DLC1: variants seen among roughly 807,000 people sequenced by gnomAD.
DLC1 encodes rho GTPase-activating protein 7.
In DLC1, 54 loss-of-function variants were observed where a neutral mutation model predicts 140.3. The observed-to-expected ratio is 0.38, with a 90% CI of 0.31 to 0.48. The LOEUF is 0.48. DLC1 is among the 20% of genes least tolerant of loss of function. The pLI, the probability that DLC1 is intolerant of heterozygous loss-of-function variation, is 0.96. For missense variants in DLC1, 2,536 were observed against 1,907.0 expected, an observed-to-expected ratio of 1.33 and a Z score of -6.14; for synonymous variants, 986 against 728.1, an observed-to-expected ratio of 1.35 and a Z score of -5.70.
intron 5 of DLC1, among the ~76,000 whole-genome samples, chr8:13,257,552 A>G (rs1250340392): frequency 6.6e-6 from 1 of 152,068 alleles, no homozygotes; most frequent in Non-Finnish European, 1.5e-5. Context: ...TATACGTGTC[A>G]GTCATCATGA....
chr8:13,418,486 G>T (rs946085734), intron 2 of DLC1, among the ~76,000 whole-genome samples: 6 of 152,262 alleles, frequency 3.9e-5, no homozygotes, highest in South Asian at 2.1e-4. Context: ...TTTCCCCATT[G>T]CTTGTTTTTG....
intron 4 of DLC1, among the ~76,000 whole-genome samples, chr8:13,319,479 G>GAGGC (rs202141458): frequency 8.6e-6 from 1 of 116,208 alleles, no homozygotes; most frequent in African/African-American, 3.3e-5. Context: ...CGGGGCGGGG[G>GAGGC]GGGGGGGTGG....
In DLC1 at chr8:13,146,158, C is replaced by G. The variant is rs143366750; in HGVS notation, c.1349-30501G>C. Among the ~76,000 whole-genome samples, 630 of 151,800 alleles carry G rather than the reference C, an allele frequency of 4.2e-3. 5 individuals are homozygous for G. The highest frequency in any genetic ancestry group is 0.014 in the African/African-American group (599 of 41,374). On this transcript the variant is annotated intron_variant, in intron 5 of 17. Coordinates refer to ENST00000276297, the MANE Select transcript of DLC1 (RefSeq NM_182643.3). ...GACATAGTCGTGTGTGCATGTAGTC[C>G]CAGCTACTCGGGAGGCTGAGGCAGG...
intron 2 of DLC1, among the ~76,000 whole-genome samples, chr8:13,448,532 T>A (rs1798900674): frequency 6.6e-6 from 1 of 152,028 alleles, no homozygotes; most frequent in South Asian, 2.1e-4. Flanking sequence ...CCGGCTAATT[T>A]TTGTATTTTT....
At chr8:13,344,007 G>A (rs151019464) in intron 4 of DLC1, among the ~76,000 whole-genome samples, 1 of 151,914 alleles carries the variant, frequency 6.6e-6, no homozygotes, top group Non-Finnish European at 1.5e-5. Flanking sequence ...TGAGAAACTG[G>A]CAAAGATTTC....
At chr8:13,467,189 T>A (rs1799977733) in intron 2 of DLC1, among the ~76,000 whole-genome samples, 1 of 152,204 alleles carries the variant, frequency 6.6e-6, no homozygotes, top group Non-Finnish European at 1.5e-5. Context: ...TGCTAAATCC[T>A]TTTCTTATTT....
At chr8:13,328,108 C>G (rs1388228658) in intron 4 of DLC1, among the ~76,000 whole-genome samples, 1 of 152,146 alleles carries the variant, frequency 6.6e-6, no homozygotes, top group African/African-American at 2.4e-5. Flanking sequence ...GTCACTAGAT[C>G]ATGCAAGCCC....
chr8:13,601,842 C>T (rs1460913864), intron 1 of DLC1, among the ~76,000 whole-genome samples: 1 of 151,754 alleles, frequency 6.6e-6, no homozygotes, highest in Non-Finnish European at 1.5e-5. Context: ...GGTGATTTTG[C>T]TGGCTATATA....
intron 4 of DLC1, among the ~76,000 whole-genome samples, chr8:13,368,459 A>C (rs972614030): frequency 6.6e-6 from 1 of 152,120 alleles, no homozygotes; most frequent in Admixed American, 6.6e-5. Flanking sequence ...CAAGGAAATC[A>C]TGAAGGACTT....
At chr8:13,574,097 G>A (rs545887212) in intron 1 of DLC1, among the ~76,000 whole-genome samples, 184 of 152,224 alleles carry the variant, frequency 1.2e-3, no homozygotes, top group African/African-American at 4.3e-3. Flanking sequence ...TCTGTAATCT[G>A]TCAGTGTTCT....
intron 5 of DLC1, chr8:13,305,041 C>T (rs2117518419): frequency 8.6e-7 from 1 of 1,159,004 alleles, no homozygotes; most frequent in South Asian, 3.9e-5. Context: ...ACAAGGAAGA[C>T]CCCAAGAAAC....
chr8:13,276,243 A>G (rs1263507554), intron 5 of DLC1: 5 of 1,534,058 alleles, frequency 3.3e-6, no homozygotes, highest in African/African-American at 1.4e-5. Context: ...CCGGTCTCCA[A>G]TCCCCCTCTG....
At chr8:13,202,271 G>A (rs1182705181) in intron 5 of DLC1, among the ~76,000 whole-genome samples, 2 of 152,152 alleles carry the variant, frequency 1.3e-5, no homozygotes, top group African/African-American at 2.4e-5. Flanking sequence ...AATTTAAAAC[G>A]TTTTAATAAG....
intron 5 of DLC1, among the ~76,000 whole-genome samples, chr8:13,175,130 T>C (rs945537614): frequency 6.6e-6 from 1 of 152,174 alleles, no homozygotes; most frequent in African/African-American, 2.4e-5. Context: ...CCTATCCCAA[T>C]TGCTTGCTTT....
intron 5 of DLC1, among the ~76,000 whole-genome samples, chr8:13,161,980 A>C (rs1585808526): frequency 6.6e-6 from 1 of 152,228 alleles, no homozygotes; most frequent in Admixed American, 6.5e-5. Flanking sequence ...AGTAATTTCA[A>C]AATGTACCAA....
chr8:13,389,054 A>G (rs1039096211), intron 4 of DLC1, among the ~76,000 whole-genome samples: 10 of 151,566 alleles, frequency 6.6e-5, no homozygotes, highest in Non-Finnish European at 1.5e-4. Flanking sequence ...TATCCTGTGT[A>G]CTCTTGATGT....
chr8:13,198,105 GA>G (rs1019341965), intron 5 of DLC1, among the ~76,000 whole-genome samples: 96 of 146,890 alleles, frequency 6.5e-4, no homozygotes, highest in African/African-American at 1.6e-3. Flanking sequence ...AACGAAAAAG[GA>G]AAAAAAAAAA....
At chr8:13,103,839 C>CAAA (rs1002564334) in intron 7 of DLC1, among the ~76,000 whole-genome samples, 5 of 60,774 alleles carry the variant, frequency 8.2e-5, no homozygotes, top group African/African-American at 2.5e-4. Flanking sequence ...GACTCCATCT[C>CAAA]AAAAAAAAAA....
At chr8:13,444,013 A>G (rs1349709897) in intron 2 of DLC1, among the ~76,000 whole-genome samples, 1 of 152,072 alleles carries the variant, frequency 6.6e-6, no homozygotes. Flanking sequence ...AAATAAAACA[A>G]TATCTTAAAC....
Sources: allele counts gnomAD v4.1 joint callset (sites outside exome capture counted in the v4.1 genomes callset), GRCh38; gene constraint gnomAD v4.1.1; transcripts MANE v1.5; gene names NCBI Gene and HGNC (gene_info 2026-07-23, HGNC 2026-07-21).